The following CANX variants were observed in gnomAD, a reference collection of about 807,000 sequenced individuals.
CANX encodes the protein epididymis secretory sperm binding protein.
In CANX, 14 loss-of-function variants were observed where a neutral mutation model predicts 75.7. That is an observed-to-expected ratio of 0.19 (90% CI 0.12 to 0.29). CANX has a LOEUF of 0.29. Among genes scored for constraint, CANX ranks in the 10% least tolerant of loss-of-function variants. The pLI is 1.00. For synonymous variants in CANX, 227 were observed against 236.9 expected (o/e 0.96, Z 0.38); for missense variants, 567 against 713.2 (o/e 0.79, Z 2.34).
chr5:179,716,575 G>C (rs772365823), intron 8 of CANX, among the ~76,000 whole-genome samples: 3 of 152,216 alleles, frequency 2.0e-5, no homozygotes, highest in Non-Finnish European at 2.9e-5. Flanking sequence ...CTTTAACCTG[G>C]CTACTCCAGG....
chr5:179,725,973 C>T (rs1395849986), intron 13 of CANX, among the ~76,000 whole-genome samples: 6 of 142,942 alleles, frequency 4.2e-5, no homozygotes, highest in Admixed American at 7.2e-5. Flanking sequence ...GGCGACAGAG[C>T]GAGACTGAGT....
chr5:179,698,964 G>T (rs966247751), upstream of CANX: 37 of 1,122,668 alleles, frequency 3.3e-5, no homozygotes, highest in Non-Finnish European at 4.0e-5. Flanking sequence ...TCGCTCGCGC[G>T]GCAGCGGTGG....
intron 1 of CANX, among the ~76,000 whole-genome samples, chr5:179,682,252 C>T (rs185766171): frequency 0.012 from 1,502 of 129,316 alleles, 15 homozygotes; most frequent in South Asian, 0.039. Flanking sequence ...AACTCCATCT[C>T]AAAAAAAAAA....
At chr5:179,708,479 TA>T (rs763280579) in intron 5 of CANX, 99 bp downstream of exon 5, 13 of 1,095,354 alleles carry the variant, frequency 1.2e-5, no homozygotes, top group Non-Finnish European at 1.7e-5. Flanking sequence ...TGAGATTATA[TA>T]AGTGGTGGTA....
chr5:179,687,383 G>A (rs11749559), intron 1 of CANX, among the ~76,000 whole-genome samples: 53,311 of 151,798 alleles, frequency 0.35, 9,661 homozygotes, highest in South Asian at 0.53. Context: ...GATGACAGGC[G>A]TGAGCCACCG....
chr5:179,705,915 C>G (rs555725953), intron 2 of CANX, 63 bp downstream of exon 2: 1 of 1,416,458 alleles, frequency 7.1e-7, no homozygotes, highest in East Asian at 2.3e-5. Flanking sequence ...ATGAAGATAC[C>G]CGGGTGCAGG....
chr5:179,728,712 G>A lies in CANX; in HGVS notation c.*68G>A. On this transcript the variant is annotated 3_prime_UTR_variant, in exon 15 of 15. Coordinates refer to ENST00000247461, the MANE Select transcript of CANX (RefSeq NM_001746.4). The stretch of plus-strand genomic sequence containing the variant: ...CCCTGCAAGAGTGGTCCTAGGAGAG[G>A]ACCTGGCACACCTTAGGTTGACATT... The A allele has an allele frequency of 9.2e-7, 1 of 1,081,706 alleles. No individual in the cohort carries two copies. The highest frequency in any genetic ancestry group is 2.4e-5 in the East Asian group (1 of 41,808). 67.0% of individuals were successfully genotyped at this position (1,081,706 alleles called of 1,614,324 possible).
chr5:179,678,851 G>A, intron 1 of CANX: 1 of 1,536,682 alleles, frequency 6.5e-7, no homozygotes, highest in Non-Finnish European at 8.7e-7. Flanking sequence ...GGCGGTCCGC[G>A]AGAGCAGCGG....
chr5:179,715,888 G>T, intron 7 of CANX: 3 of 606,910 alleles, frequency 4.9e-6, no homozygotes, highest in Non-Finnish European at 6.0e-6. Flanking sequence ...ATCATTTGCT[G>T]TAATTCTTAG....
chr5:179,711,139 C>T (rs1171087025), intron 7 of CANX, among the ~76,000 whole-genome samples: 1 of 152,162 alleles, frequency 6.6e-6, no homozygotes, highest in Non-Finnish European at 1.5e-5. Context: ...AAAGAAGCTT[C>T]TTGGCCACGT....
intron 1 of CANX, among the ~76,000 whole-genome samples, chr5:179,684,565 C>T (rs894816236): frequency 2.0e-5 from 3 of 151,674 alleles, no homozygotes; most frequent in Non-Finnish European, 4.4e-5. Flanking sequence ...TGGTCTTGAT[C>T]TCCTGACCCC....
At chr5:179,688,658 C>T (rs1056961522) in intron 1 of CANX, among the ~76,000 whole-genome samples, 9 of 150,982 alleles carry the variant, frequency 6.0e-5, no homozygotes, top group Non-Finnish European at 1.2e-4. Context: ...CCACTGCGCC[C>T]GGCCGCCTAA....
chr5:179,701,404 C>T (rs1221642993), intron 1 of CANX, among the ~76,000 whole-genome samples: 2 of 151,712 alleles, frequency 1.3e-5, no homozygotes, highest in Non-Finnish European at 2.9e-5. Context: ...TAACCAGCCT[C>T]GCCAAAATGG....
chr5:179,698,097 G>A (rs895990714), upstream of CANX, among the ~76,000 whole-genome samples: 2 of 152,004 alleles, frequency 1.3e-5, no homozygotes, highest in African/African-American at 2.4e-5. Context: ...ATCTCTAAAG[G>A]TCTAGAAAAA....
rs1018223093 is a variant in CANX at position 179,729,386 on chromosome 5, A to G, written c.*742A>G. The G allele has an allele frequency of 6.5e-5, 10 of 153,418 alleles. No homozygotes were observed. Among genetic ancestry groups the G allele is most frequent in the African/African-American group, 2.2e-4 (9 of 41,472 alleles). The allele number at this position is 153,418 out of a possible 1,614,324, so 9.5% of individuals were successfully genotyped here. On this transcript the variant is annotated 3_prime_UTR_variant, in exon 15 of 15. Coordinates refer to ENST00000247461, the MANE Select transcript of CANX (RefSeq NM_001746.4). ...AGGTGGCTTCATGTGGCACTTGGGC[A>G]TTTATATTCCACTTGGGAGGGTCAG...
At chr5:179,713,235 C>A (rs536584379) in intron 7 of CANX, among the ~76,000 whole-genome samples, 1 of 151,904 alleles carries the variant, frequency 6.6e-6, no homozygotes, top group Non-Finnish European at 1.5e-5. Flanking sequence ...GCACACACCA[C>A]CATGTCCAAC....
At chr5:179,710,241 G>A (rs1008822515) in intron 7 of CANX, among the ~76,000 whole-genome samples, 176 bp downstream of exon 7, 1 of 151,590 alleles carries the variant, frequency 6.6e-6, no homozygotes, top group Admixed American at 6.6e-5. Flanking sequence ...TGGCCAAAAT[G>A]TTGAAACTTC....
chr5:179,695,569 T>G (rs1776382590), upstream of CANX, among the ~76,000 whole-genome samples: 1 of 152,180 alleles, frequency 6.6e-6, no homozygotes, highest in South Asian at 2.1e-4. Context: ...CCTCAGGTGA[T>G]CCACCCGCCT....
intron 7 of CANX, among the ~76,000 whole-genome samples, chr5:179,712,071 C>G (rs1355601062): frequency 1.4e-5 from 2 of 147,992 alleles, no homozygotes; most frequent in Non-Finnish European, 3.0e-5. Flanking sequence ...GCACTCCAGC[C>G]TGGGCAACAC....
Sources: allele counts gnomAD v4.1 joint callset (sites outside exome capture counted in the v4.1 genomes callset), GRCh38; gene constraint gnomAD v4.1.1; transcripts MANE v1.5; gene names NCBI Gene and HGNC (gene_info 2026-07-23, HGNC 2026-07-21).